The following PGCKA1 variants were observed in gnomAD, a reference collection of about 807,000 sequenced individuals.
PGCKA1 encodes the protein PDCD10 and GCKIII kinases associated 1.
chr4:37,578,931 AC>A, the PGCKA1 span, among the ~76,000 whole-genome samples: 1 of 152,054 alleles, frequency 6.6e-6, no homozygotes, highest in Non-Finnish European at 1.5e-5. Context: ...GGTGGTGCAC[AC>A]CTGTAATCCC....
the PGCKA1 span, among the ~76,000 whole-genome samples, chr4:37,565,213 C>T: frequency 6.6e-6 from 1 of 152,188 alleles, no homozygotes; most frequent in African/African-American, 2.4e-5. Flanking sequence ...CCGTTTCATT[C>T]TAGTCATTCA....
At chr4:37,508,395 ATTC>A in the PGCKA1 span, among the ~76,000 whole-genome samples, 2 of 151,766 alleles carry the variant, frequency 1.3e-5, no homozygotes, top group South Asian at 4.2e-4. Flanking sequence ...TTCATTCTTT[ATTC>A]TTTTTTCTTT....
At chr4:37,586,395 T>G in the PGCKA1 span, among the ~76,000 whole-genome samples, 568 of 152,296 alleles carry the variant, frequency 3.7e-3, 2 homozygotes, top group African/African-American at 0.013. Flanking sequence ...CCAGGTGCTG[T>G]CCTAAGTGCT....
the PGCKA1 span, chr4:37,460,347 A>G: frequency 7.7e-6 from 2 of 260,804 alleles, no homozygotes; most frequent in South Asian, 3.7e-5. Flanking sequence ...CTTTGGGTAT[A>G]TACCCAATAA....
the PGCKA1 span, among the ~76,000 whole-genome samples, chr4:37,563,641 C>T: frequency 0.5 from 75,895 of 152,022 alleles, 19,529 homozygotes; most frequent in East Asian, 0.67. Context: ...TACTGTAAGA[C>T]TCTGGGAATT....
the PGCKA1 span, among the ~76,000 whole-genome samples, chr4:37,518,073 G>A: frequency 6.6e-6 from 1 of 152,202 alleles, no homozygotes; most frequent in Non-Finnish European, 1.5e-5. Flanking sequence ...TTCCATCTAA[G>A]TTGTTGCAAA....
the PGCKA1 span, among the ~76,000 whole-genome samples, chr4:37,465,680 C>T: frequency 5.3e-5 from 8 of 152,100 alleles, no homozygotes; most frequent in Non-Finnish European, 1.0e-4. Context: ...TTAAAAACTC[C>T]AGAATTTGGA....
the PGCKA1 span, among the ~76,000 whole-genome samples, chr4:37,483,047 G>A: frequency 6.6e-6 from 1 of 152,176 alleles, no homozygotes; most frequent in African/African-American, 2.4e-5. Context: ...CATGTGTCAT[G>A]GGAGGGGCCC....
the PGCKA1 span, among the ~76,000 whole-genome samples, chr4:37,564,567 C>T: frequency 6.6e-6 from 1 of 152,012 alleles, no homozygotes; most frequent in Admixed American, 6.5e-5. Flanking sequence ...AGTGCAGTGG[C>T]GCGATCTTGG....
the PGCKA1 span, among the ~76,000 whole-genome samples, chr4:37,547,445 A>G: frequency 6.6e-6 from 1 of 152,180 alleles, no homozygotes; most frequent in Non-Finnish European, 1.5e-5. Context: ...TCAGGCACAA[A>G]TAAGCCCACC....
At chr4:37,496,390 T>C in the PGCKA1 span, among the ~76,000 whole-genome samples, 1 of 152,222 alleles carries the variant, frequency 6.6e-6, no homozygotes, top group South Asian at 2.1e-4. Flanking sequence ...TTTTGTCAGC[T>C]TTATCAAAGA....
the PGCKA1 span, among the ~76,000 whole-genome samples, chr4:37,535,283 C>T: frequency 3.3e-5 from 5 of 152,162 alleles, no homozygotes; most frequent in Admixed American, 2.0e-4. Flanking sequence ...AGTGCTTGGT[C>T]GGCCAAGGCG....
At chr4:37,488,305 A>G in the PGCKA1 span, among the ~76,000 whole-genome samples, 1 of 152,216 alleles carries the variant, frequency 6.6e-6, no homozygotes, top group Non-Finnish European at 1.5e-5. Context: ...ACATTGGCAT[A>G]TGAATTAGTG....
chr4:37,576,409 A>T, the PGCKA1 span, among the ~76,000 whole-genome samples: 1 of 151,882 alleles, frequency 6.6e-6, no homozygotes, highest in African/African-American at 2.4e-5. Flanking sequence ...GAAATGCTAC[A>T]GGTTTTTGTA....
At chr4:37,512,454 CT>C in the PGCKA1 span, among the ~76,000 whole-genome samples, 1,421 of 126,930 alleles carry the variant, frequency 0.011, 14 homozygotes, top group African/African-American at 0.037. Flanking sequence ...GTGTTGATTT[CT>C]TTTTTTTTTT....
At chr4:37,579,831 A>G in the PGCKA1 span, among the ~76,000 whole-genome samples, 265 of 152,150 alleles carry the variant, frequency 1.7e-3, 1 homozygote, top group African/African-American at 6.1e-3. Flanking sequence ...AGGTTTGGGA[A>G]GTTCTCTGTT....
chr4:37,550,692 G>A, the PGCKA1 span, among the ~76,000 whole-genome samples: 10 of 152,164 alleles, frequency 6.6e-5, no homozygotes, highest in African/African-American at 2.2e-4. Flanking sequence ...TGAACTAAAT[G>A]TGCCAGTACC....
the PGCKA1 span, chr4:37,588,984 G>A: frequency 2.0e-6 from 2 of 988,670 alleles, no homozygotes; most frequent in South Asian, 2.7e-5. Flanking sequence ...TGTATTCAGT[G>A]CATTTATCCA....
the PGCKA1 span, among the ~76,000 whole-genome samples, chr4:37,543,521 GTTAT>G: frequency 0.032 from 4,919 of 152,116 alleles, 268 homozygotes; most frequent in African/African-American, 0.11. Flanking sequence ...GGACACTTTA[GTTAT>G]TCTGTTCATT....
Sources: gnomAD v4.1 joint callset for allele counts (sites outside exome capture counted in the v4.1 genomes callset) on GRCh38, gnomAD v4.1.1 for gene constraint, MANE v1.5 for transcripts, NCBI Gene and HGNC (gene_info 2026-07-23, HGNC 2026-07-21) for gene names.